ISM1: variants seen among roughly 807,000 people sequenced by gnomAD.
ISM1 encodes the protein isthmin-1.
In ISM1, 25 loss-of-function variants were observed where a neutral mutation model predicts 46.3. The ratio of observed to expected loss-of-function variants is 0.54; its 90% CI spans 0.39 to 0.75. The LOEUF is 0.75. Ranked by LOEUF, ISM1 falls within the 30% of genes least tolerant of loss-of-function variation. The pLI is 0.00. For missense variants in ISM1, 536 were observed against 625.4 expected (o/e 0.86, Z 1.52); for synonymous variants, 255 against 256.7 (o/e 0.99, Z 0.06).
intron 1 of ISM1, among the ~76,000 whole-genome samples, chr20:13,246,003 C>T (rs140456570): frequency 0.013 from 1,915 of 152,328 alleles, 42 homozygotes; most frequent in African/African-American, 0.044. Flanking sequence ...CGCTGTGGCT[C>T]ACGCCTATAA....
At chr20:13,288,076 G>T (rs1363103762) in intron 3 of ISM1, among the ~76,000 whole-genome samples, 3 of 152,192 alleles carry the variant, frequency 2.0e-5, no homozygotes, top group East Asian at 3.9e-4. Context: ...ATCTTTCACA[G>T]TAACTGGATT....
intron 1 of ISM1, among the ~76,000 whole-genome samples, chr20:13,239,908 G>A (rs1286028005): frequency 6.6e-6 from 1 of 152,188 alleles, no homozygotes; most frequent in Admixed American, 6.5e-5. Flanking sequence ...CTGAACATCT[G>A]TAAAAGTTTT....
chr20:13,315,384 A>C, the ISM1 span, among the ~76,000 whole-genome samples: 1 of 152,034 alleles, frequency 6.6e-6, no homozygotes. Flanking sequence ...GGAAAGTAGC[A>C]GTAGCTATCT....
At chr20:13,266,591 T>C (rs1259576021) in intron 1 of ISM1, among the ~76,000 whole-genome samples, 1 of 152,192 alleles carries the variant, frequency 6.6e-6, no homozygotes, top group Admixed American at 6.5e-5. Context: ...CATAGATTGA[T>C]GTTCAACTCA....
intron 1 of ISM1, among the ~76,000 whole-genome samples, chr20:13,240,979 A>G (rs1031619414): frequency 2.0e-5 from 3 of 152,216 alleles, no homozygotes; most frequent in Admixed American, 6.5e-5. Flanking sequence ...TGAAGTGGAC[A>G]GGGAGCTGAG....
chr20:13,265,281 C>T (rs1288847243), intron 1 of ISM1, among the ~76,000 whole-genome samples: 1 of 152,166 alleles, frequency 6.6e-6, no homozygotes, highest in African/African-American at 2.4e-5. Context: ...TATTTCAGTT[C>T]AAACATTGCT....
chr20:13,263,279 C>G (rs1446809939), intron 1 of ISM1, among the ~76,000 whole-genome samples: 1 of 152,106 alleles, frequency 6.6e-6, no homozygotes, highest in East Asian at 1.9e-4. Context: ...CAGTTTTTCC[C>G]CAGTGCATCC....
At chr20:13,252,053 G>A (rs536413081) in intron 1 of ISM1, among the ~76,000 whole-genome samples, 35 of 152,326 alleles carry the variant, frequency 2.3e-4, no homozygotes, top group Admixed American at 7.8e-4. Context: ...CCAGTTGGGG[G>A]CTGTGAGATT....
intron 3 of ISM1, 70 bp downstream of exon 3, chr20:13,279,968 C>T: frequency 7.0e-7 from 1 of 1,421,300 alleles, no homozygotes; most frequent in Non-Finnish European, 9.6e-7. Context: ...GGACATGGAG[C>T]CAAGCAAAAC....
At chr20:13,284,232 G>A (rs1275525000) in intron 3 of ISM1, among the ~76,000 whole-genome samples, 2 of 152,326 alleles carry the variant, frequency 1.3e-5, no homozygotes, top group East Asian at 3.9e-4. Context: ...GCCAAGTCAA[G>A]ACCCAAGTCA....
the ISM1 span, among the ~76,000 whole-genome samples, chr20:13,326,357 G>A: frequency 2.0e-5 from 3 of 152,076 alleles, no homozygotes; most frequent in African/African-American, 7.2e-5. Flanking sequence ...GGGTCATGTA[G>A]TATGTATATG....
chr20:13,224,318 T>C (rs964409236), intron 1 of ISM1, among the ~76,000 whole-genome samples: 18 of 152,186 alleles, frequency 1.2e-4, no homozygotes, highest in Non-Finnish European at 2.5e-4. Flanking sequence ...TCTCTGAAGG[T>C]ATTATAAGTC....
At chr20:13,261,493 G>A (rs950962617) in intron 1 of ISM1, among the ~76,000 whole-genome samples, 3 of 151,428 alleles carry the variant, frequency 2.0e-5, no homozygotes, top group Non-Finnish European at 2.9e-5. Flanking sequence ...TGGATCTTTA[G>A]AGAAAAGAAG....
chr20:13,242,934 A>T (rs2039745120), intron 1 of ISM1, among the ~76,000 whole-genome samples: 1 of 152,198 alleles, frequency 6.6e-6, no homozygotes, highest in Admixed American at 6.5e-5. Context: ...TTTGATTAAT[A>T]TTGACTTATT....
chr20:13,284,280 G>T (rs933934086), intron 3 of ISM1, among the ~76,000 whole-genome samples: 1 of 152,192 alleles, frequency 6.6e-6, no homozygotes, highest in African/African-American at 2.4e-5. Flanking sequence ...CCCACAGGAC[G>T]CTAGTGCCCT....
At chr20:13,225,888 A>G (rs531797160) in intron 1 of ISM1, among the ~76,000 whole-genome samples, 1 of 152,320 alleles carries the variant, frequency 6.6e-6, no homozygotes, top group East Asian at 1.9e-4. Flanking sequence ...ATGGATATAG[A>G]TATAGATATA....
At chr20:13,309,549 C>T in the ISM1 span, among the ~76,000 whole-genome samples, 1 of 152,108 alleles carries the variant, frequency 6.6e-6, no homozygotes, top group South Asian at 2.1e-4. Context: ...GACAAGCATG[C>T]TCACTCTTAC....
intron 1 of ISM1, among the ~76,000 whole-genome samples, chr20:13,244,566 T>C (rs1568667896): frequency 1.3e-5 from 2 of 152,178 alleles, no homozygotes; most frequent in African/African-American, 4.8e-5. Context: ...TATAAAAACA[T>C]ATTAAAGATA....
At chr20:13,273,014 T>G (rs1243561814) in intron 2 of ISM1, among the ~76,000 whole-genome samples, 5 of 152,108 alleles carry the variant, frequency 3.3e-5, no homozygotes, top group Admixed American at 6.5e-5. Context: ...ATTTAAGAAT[T>G]ACTAACGCAA....
Sources: allele counts gnomAD v4.1 joint callset (sites outside exome capture counted in the v4.1 genomes callset), GRCh38; gene constraint gnomAD v4.1.1; transcripts MANE v1.5; gene names NCBI Gene and HGNC (gene_info 2026-07-23, HGNC 2026-07-21).